ADCY2: variants seen among roughly 807,000 people sequenced by gnomAD.
ADCY2 encodes adenylate cyclase 2.
Under a neutral mutation model 125.2 loss-of-function variants are expected in ADCY2, and 31 were observed. The ratio of observed to expected loss-of-function variants is 0.25; its 90% confidence interval spans 0.19 to 0.33. The LOEUF (loss-of-function observed/expected upper bound fraction) is 0.33. Among genes scored for constraint, ADCY2 ranks in the 10% least tolerant of loss-of-function variants. The pLI is 1.00. For missense variants in ADCY2, 904 were observed against 1,418.2 expected (o/e 0.64, Z 5.82); for synonymous variants, 512 against 548.4 (o/e 0.93, Z 0.93).
chr5:7,684,036 C>T (rs914439889), intron 4 of ADCY2, among the ~76,000 whole-genome samples: 1 of 152,210 alleles, frequency 6.6e-6, no homozygotes, highest in African/African-American at 2.4e-5. Flanking sequence ...ATTCTCTCCC[C>T]AGCGTGCCTC....
intron 15 of ADCY2, 133 bp from the exon 16 acceptor site, chr5:7,757,316 G>C (rs546508888): frequency 2.5e-4 from 295 of 1,163,172 alleles, no homozygotes; most frequent in Non-Finnish European, 3.4e-4. Flanking sequence ...GGGTCCCCAG[G>C]GGAGGATAGA....
intron 2 of ADCY2, among the ~76,000 whole-genome samples, chr5:7,477,761 C>A (rs1326726999): frequency 6.6e-6 from 1 of 152,092 alleles, no homozygotes; most frequent in Non-Finnish European, 1.5e-5. Flanking sequence ...GAATTGAAAC[C>A]ATCTCTGGGG....
intron 3 of ADCY2, among the ~76,000 whole-genome samples, chr5:7,615,472 A>G (rs1737723696): frequency 6.6e-6 from 1 of 152,194 alleles, no homozygotes; most frequent in Non-Finnish European, 1.5e-5. Context: ...TTCTTGTCTC[A>G]GAAGAAGAAA....
At position 7,802,355 on chromosome 5, in the gene ADCY2, C is replaced by T. The variant is rs140943409; in HGVS notation, c.2766C>T (p.Asp922=). ...CLRLLNEIIA[D]FDDLLSKPKF... ...GGCTCCTGAACGAGATCATCGCTGA[C>T]TTTGATGATGTAGGTACTGAGAGTT... Residue 922 remains aspartate, a synonymous_variant, in exon 21 of 25, where the codon GAC becomes GAT. Coordinates refer to ENST00000338316, the MANE Select transcript of ADCY2 (RefSeq NM_020546.3). The surrounding 1 kb of genome is among the most constrained non-coding windows in gnomAD (Gnocchi z 4.6). 4.3e-4 allele frequency: 690 copies of T among 1,614,064 alleles called. 4 individuals carry two copies. In the Middle Eastern group the frequency reaches 0.011, roughly 26 times the overall value.
intron 3 of ADCY2, among the ~76,000 whole-genome samples, chr5:7,617,785 A>G (rs1261452373): frequency 6.6e-6 from 1 of 152,216 alleles, no homozygotes; most frequent in Non-Finnish European, 1.5e-5. Context: ...TAAACCCAAG[A>G]GTACACTGTG....
intron 3 of ADCY2, among the ~76,000 whole-genome samples, chr5:7,557,201 A>ATATATATATATATATATAG: frequency 1.4e-5 from 2 of 140,056 alleles, no homozygotes; most frequent in African/African-American, 2.6e-5. Flanking sequence ...TGATATATAT[A>ATATATATATATATATATAG]ACTCAAGTGA....
chr5:7,489,069 C>A, intron 2 of ADCY2, among the ~76,000 whole-genome samples: 1 of 152,198 alleles, frequency 6.6e-6, no homozygotes, highest in East Asian at 1.9e-4. Context: ...AAAACACAGA[C>A]TTTCCTGCCC....
chr5:7,807,563 G>A (rs184507524), intron 22 of ADCY2, among the ~76,000 whole-genome samples: 2 of 152,246 alleles, frequency 1.3e-5, no homozygotes, highest in African/African-American at 4.8e-5. Flanking sequence ...CTCTGTGTGG[G>A]ACATTGTAAT....
In ADCY2 at chr5:7,707,954, A is replaced by G; in HGVS notation, c.1401+116A>G. 4 of 1,109,288 alleles carry G rather than the reference A, an allele frequency of 3.6e-6. No homozygotes were observed. In the South Asian group the frequency reaches 7.0e-5, roughly 19 times the overall value. 68.7% of individuals were successfully genotyped at this position (1,109,288 alleles called of 1,614,324 possible). On this transcript the variant is annotated intron_variant, in intron 9 of 24. Transcript: ENST00000338316. ...TTCTTTGCTACTCTTTGTCCCCAAA[A>G]TATTTTAAATGCATATGGTGGTTTA...
intron 3 of ADCY2, among the ~76,000 whole-genome samples, chr5:7,594,191 C>G (rs1488745565): frequency 1.3e-5 from 2 of 152,170 alleles, no homozygotes; most frequent in Non-Finnish European, 2.9e-5. Flanking sequence ...GACAGGGCCT[C>G]AAGGGCAGTT....
chr5:7,589,518 A>AGAAAGAAAGAAAGAAAGAAAAG (rs199516495), intron 3 of ADCY2, among the ~76,000 whole-genome samples: 4 of 98,384 alleles, frequency 4.1e-5, no homozygotes, highest in African/African-American at 1.3e-4. Flanking sequence ...AAGAAAAGAA[A>AGAAAGAAAGAAAGAAAGAAAAG]AGAAAGAGAA....
At chr5:7,653,264 G>A (rs920331024) in intron 4 of ADCY2, among the ~76,000 whole-genome samples, 7 of 152,152 alleles carry the variant, frequency 4.6e-5, no homozygotes, top group South Asian at 2.1e-4. Context: ...GACTCGAGCC[G>A]GCCAGCCTGG....
At chr5:7,598,264 G>A (rs540453165) in intron 3 of ADCY2, among the ~76,000 whole-genome samples, 4 of 152,158 alleles carry the variant, frequency 2.6e-5, no homozygotes, top group Admixed American at 6.5e-5. Context: ...GCAAAGCCTC[G>A]AGGCCAGACT....
intron 4 of ADCY2, among the ~76,000 whole-genome samples, chr5:7,630,714 C>G (rs1561134394): frequency 6.6e-6 from 1 of 151,868 alleles, no homozygotes; most frequent in Non-Finnish European, 1.5e-5. Flanking sequence ...GCTCCTAGAT[C>G]CTAGACCCTT....
intron 2 of ADCY2, among the ~76,000 whole-genome samples, chr5:7,489,292 A>C (rs1743068897): frequency 6.6e-6 from 1 of 152,200 alleles, no homozygotes; most frequent in Non-Finnish European, 1.5e-5. Flanking sequence ...TCGCCAATCC[A>C]GGGACTATTG....
At chr5:7,610,660 C>G (rs1228088066) in intron 3 of ADCY2, among the ~76,000 whole-genome samples, 2 of 152,078 alleles carry the variant, frequency 1.3e-5, no homozygotes, top group East Asian at 1.9e-4. Context: ...AAGGAGTAGG[C>G]TCACTGGCTG....
rs1410468345 is a variant in ADCY2, at chr5:7,700,919, C to T, written c.1109+2545C>T. On this transcript the variant is annotated intron_variant, in intron 7 of 24. Transcript: ENST00000338316. ...GTTAGTGTGAACTCAGTTTCCTACA[C>T]AAAATGCATAGTGTGAGAAATAGCC... Among the ~76,000 whole-genome samples the T allele has an allele frequency of 5.9e-5, 9 of 151,900 alleles. 1 individual carries two copies. Among genetic ancestry groups the T allele is most frequent in the Non-Finnish European group, 2.9e-5 (2 of 67,982 alleles).
chr5:7,484,092 C>G (rs1742836221), intron 2 of ADCY2, among the ~76,000 whole-genome samples: 2 of 152,104 alleles, frequency 1.3e-5, no homozygotes, highest in Admixed American at 1.3e-4. Context: ...TTACTTTAAT[C>G]CATCTGTCAA....
intron 2 of ADCY2, among the ~76,000 whole-genome samples, chr5:7,477,102 T>C (rs1253402583): frequency 6.6e-6 from 1 of 152,156 alleles, no homozygotes; most frequent in African/African-American, 2.4e-5. Flanking sequence ...CTCGCTCTTG[T>C]TCTTATAGTT....
Sources: gnomAD v4.1 joint callset for allele counts (sites outside exome capture counted in the v4.1 genomes callset) on GRCh38, gnomAD v4.1.1 for gene constraint, Gnocchi (gnomAD v3.1) non-coding constraint, MANE v1.5 for transcripts, NCBI Gene and HGNC (gene_info 2026-07-23, HGNC 2026-07-21) for gene names.